The following NAALADL2 variants were observed in gnomAD, a reference collection of about 807,000 sequenced individuals.
NAALADL2 encodes N-acetylated alpha-linked acidic dipeptidase like 2.
A neutral mutation model predicts 87.2 loss-of-function variants in NAALADL2; 76 were observed. That is an observed-to-expected ratio of 0.87 (90% CI 0.72 to 1.05). NAALADL2 has a LOEUF of 1.05. Ranked by LOEUF, NAALADL2 falls within the 50% of genes least tolerant of loss-of-function variation. The pLI, the probability that NAALADL2 is intolerant of heterozygous loss-of-function variation, is 0.00. For synonymous variants in NAALADL2, 354 were observed against 331.0 expected, an observed-to-expected ratio of 1.07 and a Z score of -0.75; for missense variants, 1,089 against 945.8, an observed-to-expected ratio of 1.15 and a Z score of -1.99.
At chr3:175,327,547 T>A (rs1458350494) in intron 5 of NAALADL2, among the ~76,000 whole-genome samples, 1 of 152,154 alleles carries the variant, frequency 6.6e-6, no homozygotes, top group Non-Finnish European at 1.5e-5. Context: ...TAAATTAAAA[T>A]CCAGCACACA....
At chr3:175,019,707 C>T (rs1751324009) in intron 1 of NAALADL2, among the ~76,000 whole-genome samples, 1 of 152,018 alleles carries the variant, frequency 6.6e-6, no homozygotes, top group African/African-American at 2.4e-5. Context: ...GTTGCTGAGC[C>T]TAACTACATC....
chr3:174,990,726 C>T (rs1746618477), intron 1 of NAALADL2, among the ~76,000 whole-genome samples: 1 of 152,116 alleles, frequency 6.6e-6, no homozygotes, highest in Non-Finnish European at 1.5e-5. Flanking sequence ...AGATTAGTGG[C>T]TCTCAACACT....
chr3:174,666,513 C>T (rs970268864), intron 2 of NAALADL2, among the ~76,000 whole-genome samples: 12 of 151,980 alleles, frequency 7.9e-5, no homozygotes, highest in South Asian at 2.1e-4. Flanking sequence ...CTTATGGCTT[C>T]GATTATCACT....
intron 2 of NAALADL2, among the ~76,000 whole-genome samples, chr3:175,185,064 G>A (rs1313921441): frequency 2.0e-5 from 3 of 152,054 alleles, no homozygotes; most frequent in Non-Finnish European, 4.4e-5. Context: ...TCTGGGGAGT[G>A]ATGTTTACTT....
intron 1 of NAALADL2, among the ~76,000 whole-genome samples, chr3:175,065,158 C>T (rs934472902): frequency 1.3e-5 from 2 of 152,154 alleles, no homozygotes; most frequent in Middle Eastern, 6.8e-3. Flanking sequence ...GAATCCTGGG[C>T]GAGACATTAC....
In NAALADL2 at chr3:175,422,824, AC is replaced by A. The variant is rs1206312675; in HGVS notation, c.1091-24403del. Among the ~76,000 whole-genome samples, 6 of 151,806 alleles carry A rather than the reference AC, an allele frequency of 4.0e-5. No homozygotes were observed. In the South Asian group the frequency reaches 1.2e-3, roughly 31 times the overall value. ...AATTCACCTGGTAATTCGGTTGGCCACCTGTTTTTGCTAATTGCCTTTATCC... is the reference window on the plus strand; with the variant it reads ...AATTCACCTGGTAATTCGGTTGGCCACTGTTTTTGCTAATTGCCTTTATCC... On this transcript the variant is annotated intron_variant, in intron 5 of 13. Coordinates refer to ENST00000454872, the MANE Select transcript of NAALADL2 (RefSeq NM_207015.3).
chr3:175,173,309 A>AAATAAAATAAAT (rs1553799168), intron 2 of NAALADL2, among the ~76,000 whole-genome samples: 14 of 139,962 alleles, frequency 1.0e-4, no homozygotes, highest in African/African-American at 2.6e-4. Context: ...ATAAATAAAT[A>AAATAAAATAAAT]AAATAAATAA....
intron 1 of NAALADL2, among the ~76,000 whole-genome samples, chr3:174,524,579 C>T (rs536798976): frequency 1.6e-4 from 24 of 152,204 alleles, no homozygotes; most frequent in Admixed American, 1.2e-3. Context: ...GAGTCCGGCT[C>T]TGTTGTTCAG....
chr3:175,567,878 G>A (rs528309447), intron 9 of NAALADL2, among the ~76,000 whole-genome samples: 24 of 151,974 alleles, frequency 1.6e-4, no homozygotes, highest in Admixed American at 2.6e-4. Context: ...ATAACACCCC[G>A]CTAATTTTTG....
chr3:175,079,286 T>C (rs1431109323), intron 1 of NAALADL2: 1 of 152,240 alleles, frequency 6.6e-6, no homozygotes, highest in Non-Finnish European at 1.5e-5. Flanking sequence ...TGTCTTTGTA[T>C]TAACAAGTTG....
At chr3:175,132,654 G>C (rs1728297638) in intron 2 of NAALADL2, among the ~76,000 whole-genome samples, 1 of 124,082 alleles carries the variant, frequency 8.1e-6, no homozygotes, top group Admixed American at 7.6e-5. Flanking sequence ...TGGCCGGGCG[G>C]GGGGCTGACC....
At chr3:174,981,778 C>T (rs946911872) in intron 1 of NAALADL2, among the ~76,000 whole-genome samples, 1 of 152,010 alleles carries the variant, frequency 6.6e-6, no homozygotes, top group African/African-American at 2.4e-5. Context: ...TAAATATTTC[C>T]AGTACTCACC....
chr3:175,737,547 G>A lies in NAALADL2; in HGVS notation c.1990+148G>A. The A allele has an allele frequency of 6.9e-6, 4 of 576,482 alleles. 1 individual carries two copies. The South Asian group carries it at 9.0e-5, about 13-fold the overall frequency. The allele number at this position is 576,482 out of a possible 1,614,324, so 35.7% of individuals were successfully genotyped here. ...GGCTGATCCTGGGAAGGACCTGGAA[G>A]AATTTTAGTTTTCATTCAACAAAAA... is the stretch of plus-strand genomic sequence containing the variant. On this transcript the variant is annotated intron_variant, in intron 12 of 13. Transcript: ENST00000454872.
intron 1 of NAALADL2, among the ~76,000 whole-genome samples, chr3:174,466,451 C>G (rs1225916852): frequency 1.3e-5 from 2 of 152,104 alleles, no homozygotes; most frequent in Non-Finnish European, 2.9e-5. Flanking sequence ...GAAATGCAAT[C>G]TCTCTATGAG....
chr3:175,394,206 C>A (rs1769466905), intron 5 of NAALADL2, among the ~76,000 whole-genome samples: 1 of 151,584 alleles, frequency 6.6e-6, no homozygotes, highest in Non-Finnish European at 1.5e-5. Context: ...AAAAACAGAC[C>A]AAATGAAATC....
intron 1 of NAALADL2, among the ~76,000 whole-genome samples, chr3:175,045,043 T>A (rs908848833): frequency 6.6e-6 from 1 of 152,252 alleles, no homozygotes; most frequent in African/African-American, 2.4e-5. Context: ...CCCCATCCCA[T>A]TGCAACCCTG....
At chr3:175,743,569 C>A (rs79193192) in intron 12 of NAALADL2, among the ~76,000 whole-genome samples, 1 of 152,096 alleles carries the variant, frequency 6.6e-6, no homozygotes, top group Non-Finnish European at 1.5e-5. Flanking sequence ...ACCAGATGTA[C>A]GTGAAGGATG....
chr3:175,172,932 G>C (rs1735070258), intron 2 of NAALADL2, among the ~76,000 whole-genome samples: 1 of 152,092 alleles, frequency 6.6e-6, no homozygotes, highest in Non-Finnish European at 1.5e-5. Flanking sequence ...TTCAAGCAAA[G>C]GAATAAAAGT....
At chr3:175,767,826 C>T (rs570335338) in intron 13 of NAALADL2, among the ~76,000 whole-genome samples, 100 of 152,232 alleles carry the variant, frequency 6.6e-4, no homozygotes, top group African/African-American at 2.2e-3. Context: ...CAGCAGCTCT[C>T]GGAGAAATTC....
Sources: allele counts gnomAD v4.1 joint callset (sites outside exome capture counted in the v4.1 genomes callset), GRCh38; gene constraint gnomAD v4.1.1; transcripts MANE v1.5; gene names NCBI Gene and HGNC (gene_info 2026-07-23, HGNC 2026-07-21).